BCAP29: variants seen among roughly 807,000 people sequenced by gnomAD.
BCAP29 encodes B cell receptor associated protein 29.
In BCAP29, 34 loss-of-function variants were observed where a neutral mutation model predicts 31.8. The ratio of observed to expected loss-of-function variants is 1.07; its 90% CI spans 0.81 to 1.42. The LOEUF is 1.42. Among genes scored for constraint, BCAP29 ranks in the 40% most tolerant of loss-of-function variants. The pLI, the probability that BCAP29 is intolerant of heterozygous loss-of-function variation, is 0.00. For synonymous variants in BCAP29, 104 were observed against 91.3 expected, an observed-to-expected ratio of 1.14 and a Z score of -0.79; for missense variants, 314 against 269.2, an observed-to-expected ratio of 1.17 and a Z score of -1.16.
chr7:107,618,005 C>T (rs1814500575), intron 7 of BCAP29, among the ~76,000 whole-genome samples: 1 of 152,102 alleles, frequency 6.6e-6, no homozygotes, highest in Admixed American at 6.5e-5. Flanking sequence ...TTGTCCCTTC[C>T]TTCTTTCATT....
chr7:107,590,158 ATATT>A (rs1034196012), intron 3 of BCAP29, among the ~76,000 whole-genome samples: 6 of 152,326 alleles, frequency 3.9e-5, no homozygotes, highest in African/African-American at 1.4e-4. Flanking sequence ...ATAGATTTGA[ATATT>A]TATTTTTAAA....
chr7:107,597,843 G>T (rs183295964), intron 5 of BCAP29, among the ~76,000 whole-genome samples: 10 of 152,268 alleles, frequency 6.6e-5, no homozygotes, highest in Admixed American at 2.0e-4. Flanking sequence ...TTCAGTTAAA[G>T]AAATGAAATA....
At position 107,583,993 on chromosome 7, in the gene BCAP29, G is replaced by C. The variant is rs781558621; in HGVS notation, c.193+11G>C. 2 of 1,389,186 alleles carry C rather than the reference G, an allele frequency of 1.4e-6. No homozygotes were observed. The highest frequency in any genetic ancestry group is 2.0e-6 in the Non-Finnish European group (2 of 1,014,088). The allele number at this position is 1,389,186 out of a possible 1,614,324, so 86.1% of individuals were successfully genotyped here. A position where few individuals can be genotyped will look rare whatever the true frequency, so the allele number is the denominator to read the frequency against. On this transcript the variant is annotated intron_variant, in intron 3 of 7. Transcript: ENST00000005259. ...TTGTTCTATTTCTAGGTAAGTACTA[G>C]ATCCCTTCTTTGAATAAATATAACT...
At chr7:107,583,710 G>GT (rs1342408994) in intron 2 of BCAP29, among the ~76,000 whole-genome samples, 172 bp from the exon 3 acceptor site, 2 of 152,040 alleles carry the variant, frequency 1.3e-5, no homozygotes, top group Non-Finnish European at 2.9e-5. Flanking sequence ...TGAAAGAGTT[G>GT]TTTTTTAATT....
chr7:107,589,096 A>C (rs367824501), intron 3 of BCAP29, among the ~76,000 whole-genome samples: 1 of 152,184 alleles, frequency 6.6e-6, no homozygotes, highest in East Asian at 1.9e-4. Context: ...CCTAAAGCAA[A>C]ATAGACTTAC....
chr7:107,593,896 T>C lies in BCAP29; in HGVS notation c.194-59T>C, dbSNP rs911359260. 11 of 1,512,764 alleles carry C rather than the reference T, an allele frequency of 7.3e-6. No individual in the cohort carries two copies. In the Middle Eastern group the frequency reaches 5.3e-4, roughly 73 times the overall value. The allele number at this position is 1,512,764 out of a possible 1,614,324, so 93.7% of individuals were successfully genotyped here. A position where few individuals can be genotyped will look rare whatever the true frequency, so the allele number is the denominator to read the frequency against. On this transcript the variant is annotated intron_variant, in intron 3 of 7. Coordinates refer to ENST00000005259, the MANE Select transcript of BCAP29 (RefSeq NM_018844.4). ...CAGTTTTTCTAAAACTGCTTTCCATTTTTAACAAGCTTATATTCGTAAAAG... is the reference window on the plus strand; with the variant it reads ...CAGTTTTTCTAAAACTGCTTTCCATCTTTAACAAGCTTATATTCGTAAAAG...
rs758717357 is a variant in BCAP29 at position 107,583,963 on chromosome 7, A to G, written c.174A>G (p.Leu58=). 6.4e-7 allele frequency: 1 copy of G among 1,571,416 alleles called. No individual in the cohort carries two copies. The highest frequency in any genetic ancestry group is 8.7e-7 in the Non-Finnish European group (1 of 1,154,688). ...WNKAFLTIII[L]LIVLFLDAVR... Reference sequence around the variant, plus strand: ...AGGCTTTCCTTACCATTATCATCCTATTGATTGTTCTATTTCTAGGTAAGT... The same window carrying G: ...AGGCTTTCCTTACCATTATCATCCTGTTGATTGTTCTATTTCTAGGTAAGT... The change falls in exon 3 of 8, where the codon CTA becomes CTG. Residue 58 remains leucine (L), a synonymous_variant. Transcript: ENST00000005259.
intron 2 of BCAP29, among the ~76,000 whole-genome samples, chr7:107,582,963 A>G (rs1286557888): frequency 6.6e-6 from 1 of 152,084 alleles, no homozygotes; most frequent in East Asian, 1.9e-4. Context: ...TCAACCCACC[A>G]ATTTCAAGTA....
downstream of BCAP29, chr7:107,622,622 T>G (rs1234405400): frequency 6.6e-6 from 1 of 152,280 alleles, no homozygotes; most frequent in African/African-American, 2.4e-5. Context: ...CCTCAGTGAT[T>G]AACACAGTTC....
intron 3 of BCAP29, among the ~76,000 whole-genome samples, chr7:107,592,764 T>A (rs953754627): frequency 6.6e-6 from 1 of 152,236 alleles, no homozygotes; most frequent in African/African-American, 2.4e-5. Flanking sequence ...AGTAATGAAG[T>A]ACTGACACAT....
chr7:107,614,297 A>G (rs911107635), intron 7 of BCAP29, among the ~76,000 whole-genome samples: 1 of 152,198 alleles, frequency 6.6e-6, no homozygotes, highest in East Asian at 1.9e-4. Flanking sequence ...GCAAGCATAC[A>G]CTATACTCAT....
intron 5 of BCAP29, among the ~76,000 whole-genome samples, chr7:107,597,291 A>T (rs1020389325): frequency 6.6e-6 from 1 of 151,162 alleles, no homozygotes; most frequent in Non-Finnish European, 1.5e-5. Context: ...CCCCAGACTG[A>T]TCTCAAACTT....
chr7:107,584,181 G>A (rs947955095), intron 3 of BCAP29, among the ~76,000 whole-genome samples, 199 bp downstream of exon 3: 1 of 152,132 alleles, frequency 6.6e-6, no homozygotes, highest in Non-Finnish European at 1.5e-5. Flanking sequence ...TTTCAACAGG[G>A]CACAATGATT....
intron 3 of BCAP29, among the ~76,000 whole-genome samples, chr7:107,585,484 G>A (rs930901969): frequency 6.6e-6 from 1 of 152,146 alleles, no homozygotes; most frequent in Non-Finnish European, 1.5e-5. Flanking sequence ...TTCCAGTTCT[G>A]CCACCAGCTA....
At chr7:107,586,728 CTTTTT>C (rs763602838) in intron 3 of BCAP29, among the ~76,000 whole-genome samples, 1 of 131,582 alleles carries the variant, frequency 7.6e-6, no homozygotes, top group South Asian at 2.4e-4. Flanking sequence ...TGTATTTATT[CTTTTT>C]TTTTTTTTTT....
At chr7:107,594,323 A>G (rs1369404962) in intron 4 of BCAP29, 1 of 511,698 alleles carries the variant, frequency 2.0e-6, no homozygotes, top group African/African-American at 1.9e-5. Flanking sequence ...CATTTCTAGG[A>G]CTACAGGCGG....
chr7:107,605,489 G>C (rs1262517246), intron 6 of BCAP29, among the ~76,000 whole-genome samples: 4 of 152,172 alleles, frequency 2.6e-5, no homozygotes. Context: ...GAATGTTCCA[G>C]GTGTTAAAGA....
chr7:107,585,298 A>G (rs1807443447), intron 3 of BCAP29, among the ~76,000 whole-genome samples: 1 of 152,250 alleles, frequency 6.6e-6, no homozygotes, highest in South Asian at 2.1e-4. Flanking sequence ...TTATAAAACT[A>G]AGAACATCTG....
intron 5 of BCAP29, among the ~76,000 whole-genome samples, chr7:107,596,582 C>T (rs966685384): frequency 6.6e-6 from 1 of 151,996 alleles, no homozygotes; most frequent in Non-Finnish European, 1.5e-5. Flanking sequence ...TAACTAAACT[C>T]AAAAGCACGC....
Sources: allele counts gnomAD v4.1 joint callset (sites outside exome capture counted in the v4.1 genomes callset), GRCh38; gene constraint gnomAD v4.1.1; transcripts MANE v1.5; gene names NCBI Gene and HGNC (gene_info 2026-07-23, HGNC 2026-07-21).